Variants in STRBP observed in about 807,000 individuals in gnomAD.
The protein encoded by STRBP is spermatid perinuclear RNA-binding protein.
In STRBP, 13 loss-of-function variants were observed where a neutral mutation model predicts 80.1. The ratio of observed to expected loss-of-function variants is 0.16; its 90% CI spans 0.11 to 0.26. The LOEUF (loss-of-function observed/expected upper bound fraction) is 0.26. Among genes scored for constraint, STRBP ranks in the 10% least tolerant of loss-of-function variants. STRBP has a pLI of 1.00. For synonymous variants in STRBP, 284 were observed against 291.2 expected, an observed-to-expected ratio of 0.98 and a Z score of 0.25; for missense variants, 485 against 815.2, an observed-to-expected ratio of 0.59 and a Z score of 4.93.
At chr9:123,225,123 C>T (rs79321398) in intron 2 of STRBP, among the ~76,000 whole-genome samples, 1 of 152,118 alleles carries the variant, frequency 6.6e-6, no homozygotes, top group Non-Finnish European at 1.5e-5. Context: ...CAAAACTAGT[C>T]AAAACCAGTG....
intron 2 of STRBP, among the ~76,000 whole-genome samples, chr9:123,228,456 T>C (rs1441667066): frequency 6.6e-6 from 1 of 152,070 alleles, no homozygotes; most frequent in Admixed American, 6.5e-5. Context: ...ATAAAATGTG[T>C]GTGTGGGGTT....
rs554021121 is a variant in STRBP at position 123,178,876 on chromosome 9, T to A, written c.224+131A>T. Reference sequence around the variant, plus strand: ...CAGAAAATCTCCATGTAACATTTACTTCCTTGGTTATAGTCTCACATATGC... The same window carrying A: ...CAGAAAATCTCCATGTAACATTTACATCCTTGGTTATAGTCTCACATATGC... On this transcript the variant is annotated intron_variant, in intron 4 of 18. Coordinates refer to ENST00000348403, the MANE Select transcript of STRBP (RefSeq NM_018387.5). The A allele has an allele frequency of 2.1e-4, 148 of 698,402 alleles. No homozygotes were observed. In the African/African-American group the frequency reaches 2.6e-3, roughly 12 times the overall value. The allele number at this position is 698,402 out of a possible 1,614,324, so 43.3% of individuals were successfully genotyped here.
chr9:123,242,571 A>C (rs1356280084), intron 1 of STRBP, among the ~76,000 whole-genome samples: 1 of 152,136 alleles, frequency 6.6e-6, no homozygotes, highest in Non-Finnish European at 1.5e-5. Context: ...GAGGCAGGAG[A>C]ATCGCTTGAA....
At chr9:123,228,352 G>C (rs2040303482) in intron 2 of STRBP, among the ~76,000 whole-genome samples, 1 of 152,164 alleles carries the variant, frequency 6.6e-6, no homozygotes, top group Non-Finnish European at 1.5e-5. Context: ...TTAAAGATGT[G>C]TAAGTCTAGA....
chr9:123,169,976 T>C lies in STRBP; in HGVS notation c.461A>G (p.Lys154Arg), dbSNP rs773405960. ...NEASIIIRNT[K>R]EPTLTLKVIL... is the part of the protein sequence containing the mutation. Reference sequence around the variant, plus strand: ...CACCTTCAAAGTTAGCGTGGGCTCTTTTGTATTCCGAATTATAATAGATGC... The same window carrying C: ...CACCTTCAAAGTTAGCGTGGGCTCTCTTGTATTCCGAATTATAATAGATGC... Residue 154 changes from lysine to arginine, a missense_variant, in exon 6 of 19, where the codon AAA becomes AGA. By Grantham distance (26) the Lys-to-Arg change is conservative. This residue lies in a region of STRBP where 377 missense variants were observed against 616.1 expected (regional missense o/e 0.61). Coordinates refer to ENST00000348403, the MANE Select transcript of STRBP (RefSeq NM_018387.5). 1.2e-6 allele frequency: 2 copies of C among 1,609,762 alleles called. No individual in the cohort carries two copies. Among genetic ancestry groups the C allele is most frequent in the Admixed American group, 1.7e-5 (1 of 59,312 alleles).
rs559811976 is a variant in STRBP at position 123,265,696 on chromosome 9, T to C, written c.-302+2740A>G. Among the ~76,000 whole-genome samples the C allele has an allele frequency of 1.6e-4, 24 of 152,250 alleles. 1 individual carries two copies. In the East Asian group the frequency reaches 4.6e-3, roughly 29 times the overall value. On this transcript the variant is annotated intron_variant, in intron 1 of 18. Coordinates refer to ENST00000348403, the MANE Select transcript of STRBP (RefSeq NM_018387.5). The stretch of plus-strand genomic sequence containing the variant: ...TGTGTTCAAACCCCTAAAGGTTACT[T>C]CCCATGTGTTTGGCAAGCTGAAGGC...
Position 123,204,763 on chromosome 9 carries a change from GA to G in STRBP, c.-164-20466del, listed in dbSNP as rs547396235. 5.1e-3 allele frequency among the ~76,000 whole-genome samples: 732 copies of G among 143,264 alleles called. 4 individuals carry two copies. The highest frequency in any genetic ancestry group is 0.017 in the African/African-American group (677 of 39,300). 94.0% of individuals were successfully genotyped at this position (143,264 alleles called of 152,430 possible). A position where few individuals can be genotyped will look rare whatever the true frequency, so the allele number is the denominator to read the frequency against. ...AAACCCCGTCTCTACTAAAAATACA[GA>G]AAAAAAAAAATTAGCCAGGCATGGT... On this transcript the variant is annotated intron_variant, in intron 2 of 18. Coordinates refer to ENST00000348403, the MANE Select transcript of STRBP (RefSeq NM_018387.5).
chr9:123,114,301 A>G, intron 3 of STRBP: 1 of 167,128 alleles, frequency 6.0e-6, no homozygotes, highest in East Asian at 1.9e-4. Context: ...TCCTCCGGTC[A>G]CCTCACAAGT....
Position 123,179,053 on chromosome 9 carries a change from CCT to C in STRBP, c.176_177del (p.Glu59GlyfsTer2). On this transcript the variant is annotated frameshift_variant, in exon 4 of 19. Transcript: ENST00000348403. LOFTEE classifies it high-confidence loss of function. ...TCATCTTTCTTCACTTCTGTCTCAC[CCT>C]CTGTTTTTGTGCCTTTATTTGTTTC... is the stretch of plus-strand genomic sequence containing the variant. Reference protein sequence around the residue: ...LDETNKGTKTEGETEVKKDEA... With the variant: ...LDETNKGTKTXGETEVKKDEA... The C allele has an allele frequency of 6.2e-7, 1 of 1,614,124 alleles. No individual in the cohort carries two copies.
chr9:123,156,537 T>C (rs2037292788), intron 11 of STRBP, among the ~76,000 whole-genome samples: 1 of 151,934 alleles, frequency 6.6e-6, no homozygotes, highest in South Asian at 2.1e-4. Context: ...ATTGAGCATA[T>C]TAAAAATAAA....
At chr9:123,118,580 C>G (rs2035681904), downstream of STRBP, among the ~76,000 whole-genome samples, 1 of 152,242 alleles carries the variant, frequency 6.6e-6, no homozygotes, top group African/African-American at 2.4e-5. Flanking sequence ...CTGAACAAGG[C>G]AAAGACTCCA....
intron 17 of STRBP, among the ~76,000 whole-genome samples, chr9:123,131,515 C>T (rs924185186): frequency 1.3e-5 from 2 of 152,224 alleles, no homozygotes; most frequent in African/African-American, 4.8e-5. Context: ...ATGCAACACT[C>T]TCCCATCCCA....
intron 4 of STRBP, among the ~76,000 whole-genome samples, chr9:123,175,861 G>A (rs1267202833): frequency 6.6e-6 from 1 of 152,190 alleles, no homozygotes; most frequent in African/African-American, 2.4e-5. Context: ...CAAAGGCGCT[G>A]ATTGGATAAC....
At chr9:123,133,531 A>G (rs935142802) in intron 16 of STRBP, among the ~76,000 whole-genome samples, 12 of 150,646 alleles carry the variant, frequency 8.0e-5, no homozygotes, top group Non-Finnish European at 4.4e-5. Flanking sequence ...TCCACTACTA[A>G]TTATCTTTTT....
At chr9:123,261,190 T>C (rs1266992959) in intron 1 of STRBP, among the ~76,000 whole-genome samples, 3 of 152,204 alleles carry the variant, frequency 2.0e-5, no homozygotes, top group African/African-American at 4.8e-5. Flanking sequence ...TTTTCTCAGA[T>C]TCATTACTAT....
intron 8 of STRBP, among the ~76,000 whole-genome samples, chr9:123,159,537 A>G (rs914811864): frequency 6.6e-6 from 1 of 152,234 alleles, no homozygotes; most frequent in Non-Finnish European, 1.5e-5. Flanking sequence ...GTAATAGCTA[A>G]TAACTAGCCA....
At chr9:123,120,306 A>G (rs2035710230), downstream of STRBP, among the ~76,000 whole-genome samples, 1 of 151,762 alleles carries the variant, frequency 6.6e-6, no homozygotes, top group African/African-American at 2.4e-5. Context: ...GAATACACAG[A>G]ACCTTTCTCA....
intron 6 of STRBP, chr9:123,168,195 T>C: frequency 1.0e-6 from 1 of 980,176 alleles, no homozygotes; most frequent in Middle Eastern, 5.3e-4. Context: ...TTACCAGAAT[T>C]AACATTTATC....
At chr9:123,246,269 G>A (rs1456195727) in intron 1 of STRBP, among the ~76,000 whole-genome samples, 3 of 152,160 alleles carry the variant, frequency 2.0e-5, no homozygotes, top group Non-Finnish European at 4.4e-5. Flanking sequence ...AGGCAACATT[G>A]ACAGCATCAC....
Sources: allele counts gnomAD v4.1 joint callset (sites outside exome capture counted in the v4.1 genomes callset), GRCh38; gene constraint gnomAD v4.1.1; regional missense constraint gnomAD v4.1.1; transcripts MANE v1.5; gene names NCBI Gene and HGNC (gene_info 2026-07-23, HGNC 2026-07-21).